Variants in HIBCH observed in about 807,000 individuals in gnomAD.
HIBCH encodes 3-hydroxyisobutyryl-CoA hydrolase.
HIBCH carries 50 observed loss-of-function variants against 58.2 expected under a neutral mutation model. The observed-to-expected ratio is 0.86, with a 90% CI of 0.68 to 1.09. The LOEUF is 1.09. HIBCH is among the 50% of genes least tolerant of loss of function. The pLI is 0.00. For missense variants in HIBCH, 450 were observed against 449.7 expected (o/e 1.00, Z -0.01); for synonymous variants, 151 against 146.9 (o/e 1.03, Z -0.20).
In HIBCH at chr2:190,294,022, G is replaced by GTATATATATATA. The variant is rs1553505756; in HGVS notation, c.304+512_304+523dup. Among the ~76,000 whole-genome samples, 50 of 82,972 alleles carry GTATATATATATA rather than the reference G, an allele frequency of 6.0e-4. 2 individuals carry two copies. Among genetic ancestry groups the GTATATATATATA allele is most frequent in the South Asian group, 3.4e-3 (8 of 2,338 alleles). The allele number at this position is 82,972 out of a possible 152,430, so 54.4% of individuals were successfully genotyped here. A position where few individuals can be genotyped will look rare whatever the true frequency, so the allele number is the denominator to read the frequency against. Reference sequence around the variant, plus strand: ...ATATTTTGTAATATATATTTTGTGTGTATATATATATATATATATATATAT... The same window carrying GTATATATATATA: ...ATATTTTGTAATATATATTTTGTGTGTATATATATATATATATATATATATATATATATATAT... On this transcript the variant is annotated intron_variant, in intron 4 of 13. Transcript: ENST00000359678.
At chr2:190,229,755 G>A (rs1686035081) in intron 11 of HIBCH, among the ~76,000 whole-genome samples, 1 of 151,432 alleles carries the variant, frequency 6.6e-6, no homozygotes, top group Non-Finnish European at 1.5e-5. Flanking sequence ...ATTTTCAGCA[G>A]AAACAATGTT....
chr2:190,199,428 TTG>T (rs1010462442), downstream of HIBCH, among the ~76,000 whole-genome samples: 2 of 147,222 alleles, frequency 1.4e-5, no homozygotes, highest in African/African-American at 2.7e-5. Flanking sequence ...TTGAATTGTT[TTG>T]GTATAGATAA....
chr2:190,266,142 C>T (rs1051655077), intron 6 of HIBCH, among the ~76,000 whole-genome samples: 1 of 152,072 alleles, frequency 6.6e-6, no homozygotes, highest in African/African-American at 2.4e-5. Flanking sequence ...AAGATTAATC[C>T]TTTAAAATAT....
At chr2:190,200,510 T>TTTTG (rs56148086), downstream of HIBCH, 7 of 188,858 alleles carry the variant, frequency 3.7e-5, no homozygotes, top group Non-Finnish European at 7.4e-5. Context: ...AAATAACAAT[T>TTTTG]TTTGTTTGTT....
At position 190,207,888 on chromosome 2, in the gene HIBCH, A is replaced by T. The variant is rs1038083409; in HGVS notation, c.1045+992T>A. Reference sequence around the variant, plus strand: ...AGTGTGAGACCCTGTCTCCAAAAAAAATAAAATAAAATAAAAAAAACAAAG... The same window carrying T: ...AGTGTGAGACCCTGTCTCCAAAAAATATAAAATAAAATAAAAAAAACAAAG... On this transcript the variant is annotated intron_variant, in intron 13 of 13. Coordinates refer to ENST00000359678, the MANE Select transcript of HIBCH (RefSeq NM_014362.4). This position sits in a 1 kb window ranked among gnomAD's most constrained non-coding sequence, Gnocchi z 4.5. Among the ~76,000 whole-genome samples the T allele has an allele frequency of 3.8e-4, 31 of 81,774 alleles. No homozygotes were observed. Among genetic ancestry groups the T allele is most frequent in the African/African-American group, 1.7e-3 (31 of 18,610 alleles). 53.6% of individuals were successfully genotyped at this position (81,774 alleles called of 152,430 possible).
At chr2:190,212,539 G>A (rs1033865877) in intron 12 of HIBCH, among the ~76,000 whole-genome samples, 5 of 152,066 alleles carry the variant, frequency 3.3e-5, no homozygotes, top group Non-Finnish European at 4.4e-5. Flanking sequence ...TTTTAAACAC[G>A]TAACAGACTA....
At chr2:190,198,043 G>T (rs1001964443) in intron 1 of HIBCH, among the ~76,000 whole-genome samples, 10 of 152,204 alleles carry the variant, frequency 6.6e-5, no homozygotes, top group Non-Finnish European at 1.3e-4. Flanking sequence ...TTCAGTTCAG[G>T]CTAGTAAACA....
At chr2:190,305,375 AG>A (rs1688378121) in intron 2 of HIBCH, among the ~76,000 whole-genome samples, 1 of 152,140 alleles carries the variant, frequency 6.6e-6, no homozygotes, top group African/African-American at 2.4e-5. Context: ...GTGCTAGGGA[AG>A]GAACTATCCT....
chr2:190,314,318 T>C (rs1453914809), intron 1 of HIBCH, among the ~76,000 whole-genome samples: 2 of 10,638 alleles, frequency 1.9e-4, no homozygotes, highest in Non-Finnish European at 1.6e-3. Flanking sequence ...TGTGTATATA[T>C]ATGTATATAT....
At chr2:190,257,833 C>CA (rs1206127289) in intron 7 of HIBCH, among the ~76,000 whole-genome samples, 6 of 152,056 alleles carry the variant, frequency 3.9e-5, no homozygotes, top group Non-Finnish European at 8.8e-5. Flanking sequence ...AACTAACCTG[C>CA]AAAAACTGGA....
intron 6 of HIBCH, among the ~76,000 whole-genome samples, chr2:190,282,205 A>C (rs1687720651): frequency 6.6e-6 from 1 of 152,182 alleles, no homozygotes; most frequent in African/African-American, 2.4e-5. Context: ...TATTAGCAAC[A>C]CTTCTCAGTA....
intron 2 of HIBCH, among the ~76,000 whole-genome samples, chr2:190,298,071 C>A (rs993248226): frequency 6.6e-6 from 1 of 152,110 alleles, no homozygotes; most frequent in Non-Finnish European, 1.5e-5. Context: ...CATGTCCCTG[C>A]GAAGGACATG....
At chr2:190,201,302 C>T (rs550850031), downstream of HIBCH, 3 of 166,800 alleles carry the variant, frequency 1.8e-5, no homozygotes, top group South Asian at 4.2e-4. Context: ...GGATTAAGTA[C>T]TGTTTGAAGA....
In HIBCH at chr2:190,214,086, A is replaced by T. The variant is rs894601624; in HGVS notation, c.892-1011T>A. ...CCAGCCGAGAAGGGAGACGCACCCC[A>T]CTTGATTTATGTGGCCTGCTCTGGA... On this transcript the variant is annotated intron_variant, in intron 11 of 13. Coordinates refer to ENST00000359678, the MANE Select transcript of HIBCH (RefSeq NM_014362.4). The surrounding 1 kb of genome is among the most constrained non-coding windows in gnomAD (Gnocchi z 5.5). The T allele has an allele frequency of 1.3e-5, 2 of 152,118 alleles. No homozygotes were observed. The highest frequency in any genetic ancestry group is 4.8e-5 in the African/African-American group (2 of 41,396). 9.4% of individuals were successfully genotyped at this position (152,118 alleles called of 1,614,324 possible). A position where few individuals can be genotyped will look rare whatever the true frequency, so the allele number is the denominator to read the frequency against.
chr2:190,213,181 C>CTT, intron 11 of HIBCH, 106 bp from the exon 12 acceptor site: 1 of 983,120 alleles, frequency 1.0e-6, no homozygotes, highest in Non-Finnish European at 1.6e-6. Context: ...GCCAAAATCT[C>CTT]ATAAAAGATT....
chr2:190,290,367 T>G, intron 5 of HIBCH, 38 bp downstream of exon 5: 1 of 1,373,844 alleles, frequency 7.3e-7, no homozygotes, highest in Admixed American at 1.7e-5. Flanking sequence ...CCTCATTTCT[T>G]TATTCCATTT....
rs1247602518 is a variant in HIBCH, at chr2:190,204,151, T to G, written c.*966A>C. On this transcript the variant is annotated 3_prime_UTR_variant, in exon 14 of 14. Transcript: ENST00000359678. ...TCTGGAATACCTTTTAGTTCTTTCA[T>G]ACCTTAAAAAGTACTTACTTCATTA... 1 of 152,122 alleles carries G rather than the reference T, an allele frequency of 6.6e-6. No homozygotes were observed. Among genetic ancestry groups the G allele is most frequent in the Non-Finnish European group, 1.5e-5 (1 of 67,950 alleles). The allele number at this position is 152,122 out of a possible 1,614,324, so 9.4% of individuals were successfully genotyped here. A position where few individuals can be genotyped will look rare whatever the true frequency, so the allele number is the denominator to read the frequency against.
In HIBCH at chr2:190,204,917, C is replaced by G; in HGVS notation, c.*200G>C. 3 of 579,154 alleles carry G rather than the reference C, an allele frequency of 5.2e-6. No individual in the cohort carries two copies. Among genetic ancestry groups the G allele is most frequent in the Non-Finnish European group, 9.3e-6 (3 of 323,608 alleles). The allele number at this position is 579,154 out of a possible 1,614,324, so 35.9% of individuals were successfully genotyped here. ...TATAAACAGATGAGTATAGCTAGTT[C>G]CAATAAAGCTTTATTTGTGAATTCT... On this transcript the variant is annotated 3_prime_UTR_variant, in exon 14 of 14. Coordinates refer to ENST00000359678, the MANE Select transcript of HIBCH (RefSeq NM_014362.4).
At chr2:190,280,153 A>G (rs1485085659) in intron 6 of HIBCH, 2 of 152,268 alleles carry the variant, frequency 1.3e-5, no homozygotes, top group Non-Finnish European at 2.9e-5. Flanking sequence ...AAATAGGCCA[A>G]AAGAAAGGAG....
Sources: gnomAD v4.1 joint callset for allele counts (sites outside exome capture counted in the v4.1 genomes callset) on GRCh38, gnomAD v4.1.1 for gene constraint, Gnocchi (gnomAD v3.1) non-coding constraint, MANE v1.5 for transcripts, NCBI Gene and HGNC (gene_info 2026-07-23, HGNC 2026-07-21) for gene names.